Variants in WWC2 observed in about 807,000 individuals in gnomAD.
WWC2 encodes protein WWC2.
A neutral mutation model predicts 138.5 loss-of-function variants in WWC2; 101 were observed. The ratio of observed to expected loss-of-function variants is 0.73; its 90% confidence interval spans 0.62 to 0.86. The LOEUF is 0.86. Ranked by LOEUF, WWC2 falls within the 40% of genes least tolerant of loss-of-function variation. WWC2 has a pLI of 0.00. For synonymous variants in WWC2, 558 were observed against 538.4 expected, an observed-to-expected ratio of 1.04 and a Z score of -0.50; for missense variants, 1,420 against 1,419.4, an observed-to-expected ratio of 1.00 and a Z score of -0.01.
At chr4:183,265,623 A>G in intron 12 of WWC2, 65 bp from the exon 13 acceptor site, 1 of 1,491,110 alleles carries the variant, frequency 6.7e-7, no homozygotes. Context: ...CTAAGTGGCA[A>G]ACTGTTAACC....
At chr4:183,176,474 G>A (rs541512066) in intron 1 of WWC2, among the ~76,000 whole-genome samples, 1 of 152,148 alleles carries the variant, frequency 6.6e-6, no homozygotes, top group East Asian at 1.9e-4. Flanking sequence ...TCAGGCTGGA[G>A]TGCAGTGGCA....
At chr4:183,214,156 A>G (rs1396316277) in intron 4 of WWC2, among the ~76,000 whole-genome samples, 4 of 151,878 alleles carry the variant, frequency 2.6e-5, no homozygotes, top group Non-Finnish European at 5.9e-5. Context: ...GTGAAGAACA[A>G]AGACCCCTTT....
chr4:183,256,444 TC>T (rs1467658751), intron 9 of WWC2, among the ~76,000 whole-genome samples: 1 of 152,196 alleles, frequency 6.6e-6, no homozygotes, highest in East Asian at 1.9e-4. Context: ...TCCCCCATGC[TC>T]TGGCATTTTT....
chr4:183,153,547 T>C (rs1473295463), intron 1 of WWC2, among the ~76,000 whole-genome samples: 6 of 152,312 alleles, frequency 3.9e-5, no homozygotes, highest in African/African-American at 1.4e-4. Context: ...TTAAAAAATA[T>C]TGTTATTAAA....
chr4:183,274,185 GATT>G (rs1253295740), intron 16 of WWC2, among the ~76,000 whole-genome samples: 1 of 152,090 alleles, frequency 6.6e-6, no homozygotes, highest in East Asian at 1.9e-4. Context: ...TCTTTTTAAA[GATT>G]ATTTTGGCTA....
intron 16 of WWC2, among the ~76,000 whole-genome samples, chr4:183,271,684 A>G (rs906698916): frequency 5.3e-5 from 8 of 152,192 alleles, no homozygotes; most frequent in African/African-American, 1.7e-4. Context: ...TTGTAACATC[A>G]ATAGCCATAA....
chr4:183,126,681 T>G (rs1732766452), intron 1 of WWC2, among the ~76,000 whole-genome samples: 1 of 152,186 alleles, frequency 6.6e-6, no homozygotes, highest in Non-Finnish European at 1.5e-5. Context: ...GAAGGAAAAC[T>G]GTGATTTGGA....
At position 183,316,922 on chromosome 4, in the gene WWC2, T is replaced by G. The variant is rs895986539; in HGVS notation, c.*1193T>G. 1.4e-4 allele frequency: 22 copies of G among 152,322 alleles called. No individual in the cohort carries two copies. Among genetic ancestry groups the G allele is most frequent in the East Asian group, 3.9e-4 (2 of 5,182 alleles). The allele number at this position is 152,322 out of a possible 1,614,324, so 9.4% of individuals were successfully genotyped here. On this transcript the variant is annotated 3_prime_UTR_variant, in exon 23 of 23. Transcript: ENST00000403733. ...TTTTGGATGAACAAGTTTAGAGAGA[T>G]AAACTGACTAATGTGTCCTCCAGTT...
At chr4:183,106,666 T>C (rs991269036) in intron 1 of WWC2, among the ~76,000 whole-genome samples, 1 of 152,212 alleles carries the variant, frequency 6.6e-6, no homozygotes, top group African/African-American at 2.4e-5. Flanking sequence ...TTTATATAAA[T>C]GGAATAGTAA....
chr4:183,179,813 ATCAC>A (rs145491592), intron 1 of WWC2, among the ~76,000 whole-genome samples: 12 of 152,270 alleles, frequency 7.9e-5, no homozygotes, highest in Non-Finnish European at 1.5e-4. Context: ...CTCTCTGGAA[ATCAC>A]TCACTCACTG....
intron 8 of WWC2, among the ~76,000 whole-genome samples, chr4:183,250,564 T>A (rs952660459): frequency 2.0e-5 from 3 of 152,072 alleles, no homozygotes; most frequent in African/African-American, 7.2e-5. Context: ...ACTTTGTGAT[T>A]CTGCTGGAGT....
chr4:183,169,968 C>T (rs892452213), intron 1 of WWC2, among the ~76,000 whole-genome samples: 13 of 152,178 alleles, frequency 8.5e-5, no homozygotes, highest in Non-Finnish European at 2.9e-5. Flanking sequence ...TCACTACTTT[C>T]TCATGGATAC....
rs1392014467 is a variant in WWC2, at chr4:183,261,219, C to T, written c.1596C>T (p.His532=). ...LCGVAAAATG[H]TPPLAEAPKS... ...GAGTGGCAGCTGCAGCAACAGGCCA[C>T]ACTCCTCCACTGGCTGAGGCCCCGA... is the stretch of plus-strand genomic sequence containing the variant. Residue 532 remains histidine (H), a synonymous_variant, in exon 11 of 23, where the codon CAC becomes CAT. Transcript: ENST00000403733. 6.2e-7 allele frequency: 1 copy of T among 1,612,882 alleles called. No homozygotes were observed. The highest frequency in any genetic ancestry group is 1.1e-5 in the South Asian group (1 of 90,848).
intron 1 of WWC2, among the ~76,000 whole-genome samples, chr4:183,191,820 T>G (rs535315557): frequency 7.2e-5 from 11 of 152,260 alleles, no homozygotes; most frequent in African/African-American, 2.2e-4. Context: ...CTTGAACTCC[T>G]GGGCTCAGGT....
At chr4:183,206,435 G>A (rs1482175037) in intron 2 of WWC2, among the ~76,000 whole-genome samples, 2 of 152,090 alleles carry the variant, frequency 1.3e-5, no homozygotes, top group African/African-American at 2.4e-5. Context: ...TGCTAGAGAC[G>A]AGATCTTAAG....
intron 21 of WWC2, among the ~76,000 whole-genome samples, chr4:183,303,901 C>T (rs928338519): frequency 6.6e-6 from 1 of 151,520 alleles, no homozygotes; most frequent in African/African-American, 2.4e-5. Context: ...GCCACATGTT[C>T]ATTTACCAAG....
At chr4:183,268,370 C>T (rs1248265056) in intron 14 of WWC2, among the ~76,000 whole-genome samples, 1 of 152,206 alleles carries the variant, frequency 6.6e-6, no homozygotes, top group Non-Finnish European at 1.5e-5. Context: ...TTTTACAAAG[C>T]ACGGGACTCT....
chr4:183,268,696 C>G (rs994722309), intron 14 of WWC2, among the ~76,000 whole-genome samples: 5 of 152,146 alleles, frequency 3.3e-5, no homozygotes, highest in African/African-American at 1.2e-4. Context: ...TACGGATTTT[C>G]TTCCTCTTCA....
chr4:183,282,904 CT>C lies in WWC2; in HGVS notation c.2882del (p.Leu961ArgfsTer26). The C allele has an allele frequency of 1.3e-6, 2 of 1,576,154 alleles. No individual in the cohort carries two copies. Among genetic ancestry groups the C allele is most frequent in the Non-Finnish European group, 1.7e-6 (2 of 1,160,420 alleles). ...TCAGCCACCTACTAGAATACCAACA[CT>C]GGTGACTATTCCGCTGTGCTGTCTT... ...RSQPPTRIPTLVDKETNTDEA... is the reference protein window; with the variant it reads ...RSQPPTRIPTXVDKETNTDEA... On this transcript the variant is annotated frameshift_variant and splice_region_variant, in exon 18 of 23. Coordinates refer to ENST00000403733, the MANE Select transcript of WWC2 (RefSeq NM_024949.6). LOFTEE classifies it high-confidence loss of function.
Sources: gnomAD v4.1 joint callset for allele counts (sites outside exome capture counted in the v4.1 genomes callset) on GRCh38, gnomAD v4.1.1 for gene constraint, MANE v1.5 for transcripts, NCBI Gene and HGNC (gene_info 2026-07-23, HGNC 2026-07-21) for gene names.